The following TLR4 variants were observed in gnomAD, a reference collection of about 807,000 sequenced individuals.
TLR4 encodes toll like receptor 4, also known as toll-like receptor 4.
TLR4 carries 17 observed loss-of-function variants against 27.4 expected under a neutral mutation model. That is an observed-to-expected ratio of 0.62 (90% CI 0.42 to 0.93). TLR4 has a LOEUF of 0.93. TLR4 is among the 40% of genes least tolerant of loss of function. TLR4 has a pLI of 0.00. For synonymous variants in TLR4, 363 were observed against 365.7 expected (o/e 0.99, Z 0.08); for missense variants, 926 against 962.3 (o/e 0.96, Z 0.50).
At position 117,715,286 on chromosome 9, in the gene TLR4, C is replaced by G. The variant is rs1410829681; in HGVS notation, c.*638C>G. On this transcript the variant is annotated 3_prime_UTR_variant, in exon 3 of 3. Coordinates refer to ENST00000355622, the MANE Select transcript of TLR4 (RefSeq NM_138554.5). ...CTGATATATTTTTATTTTTATATAT[C>G]CAGTTTTCATTTTTTTACGTCTTGC... 6.6e-6 allele frequency: 1 copy of G among 152,380 alleles called. No homozygotes were observed. Among genetic ancestry groups the G allele is most frequent in the Non-Finnish European group, 1.5e-5 (1 of 68,310 alleles). 9.4% of individuals were successfully genotyped at this position (152,380 alleles called of 1,614,324 possible). A position where few individuals can be genotyped will look rare whatever the true frequency, so the allele number is the denominator to read the frequency against.
chr9:117,721,926 A>G lies in TLR4; in HGVS notation c.*7278A>G, dbSNP rs895934730. 5.9e-5 allele frequency: 9 copies of G among 152,174 alleles called. No individual in the cohort carries two copies. Among genetic ancestry groups the G allele is most frequent in the African/African-American group, 2.2e-4 (9 of 41,458 alleles). 9.4% of individuals were successfully genotyped at this position (152,174 alleles called of 1,614,324 possible). On this transcript the variant is annotated 3_prime_UTR_variant, in exon 3 of 3. Coordinates refer to ENST00000355622, the MANE Select transcript of TLR4 (RefSeq NM_138554.5). ...ATCCCACTAGATCAGACTCTTTGGG[A>G]TACTAGGATTGGCCTATTTGATGGT...
At position 117,712,367 on chromosome 9, in the gene TLR4, C is replaced by A. The variant is rs1273391022; in HGVS notation, c.261-22C>A. 7 of 1,601,200 alleles carry A rather than the reference C, an allele frequency of 4.4e-6. No homozygotes were observed. In the Middle Eastern group the frequency reaches 1.0e-3, roughly 228 times the overall value. Reference sequence around the variant, plus strand: ...TTATTCAGCAGAAATATTAGATAATCAATGTCTTTTTATTCCTGTAGGTGT... The same window carrying A: ...TTATTCAGCAGAAATATTAGATAATAAATGTCTTTTTATTCCTGTAGGTGT... On this transcript the variant is annotated intron_variant, in intron 2 of 2. Coordinates refer to ENST00000355622, the MANE Select transcript of TLR4 (RefSeq NM_138554.5).
rs905404330 is a variant in TLR4, at chr9:117,718,729, A to G, written c.*4081A>G. On this transcript the variant is annotated 3_prime_UTR_variant, in exon 3 of 3. Transcript: ENST00000355622. ...GATTGAAAATCATGTATTATGTTCA[A>G]TACGGGGACACTGTCCTTATGGGTG... is the stretch of plus-strand genomic sequence containing the variant. 5.3e-5 allele frequency: 8 copies of G among 152,184 alleles called. No homozygotes were observed. Among genetic ancestry groups the G allele is most frequent in the African/African-American group, 9.7e-5 (4 of 41,434 alleles). The allele number at this position is 152,184 out of a possible 1,614,324, so 9.4% of individuals were successfully genotyped here.
intron 2 of TLR4, among the ~76,000 whole-genome samples, chr9:117,712,101 A>G (rs1375546867): frequency 6.6e-6 from 1 of 152,166 alleles, no homozygotes. Flanking sequence ...TATGTCAATT[A>G]TTGATCTTTA....
chr9:117,708,613 C>A lies in TLR4; in HGVS notation c.144C>A (p.Ile48=). ...YQCMELNFYK[I]PDNLPFSTKN... ...GCATGGAGCTGAATTTCTACAAAATCCCCGACAACCTCCCCTTCTCAACCA... is the reference window on the plus strand; with the variant it reads ...GCATGGAGCTGAATTTCTACAAAATACCCGACAACCTCCCCTTCTCAACCA... The change falls in exon 2 of 3, where the codon ATC becomes ATA. Residue 48 remains isoleucine (I), a synonymous_variant. Coordinates refer to ENST00000355622, the MANE Select transcript of TLR4 (RefSeq NM_138554.5). The A allele has an allele frequency of 6.2e-7, 1 of 1,613,950 alleles. No individual in the cohort carries two copies. The highest frequency in any genetic ancestry group is 1.1e-5 in the South Asian group (1 of 91,084).
intron 1 of TLR4, among the ~76,000 whole-genome samples, chr9:117,706,469 G>A (rs1829138109): frequency 6.6e-6 from 1 of 152,074 alleles, no homozygotes; most frequent in Admixed American, 6.5e-5. Flanking sequence ...ATTTCCAGTG[G>A]CCAGCACACA....
At chr9:117,705,875 C>A (rs2131161808) in intron 1 of TLR4, among the ~76,000 whole-genome samples, 1 of 152,164 alleles carries the variant, frequency 6.6e-6, no homozygotes, top group African/African-American at 2.4e-5. Flanking sequence ...CTGGCTATTT[C>A]TTCTACCTAG....
rs201943367 is a variant in TLR4, at chr9:117,712,714, C to A, written c.586C>A (p.Arg196=). 7 of 1,613,940 alleles carry A rather than the reference C, an allele frequency of 4.3e-6. No individual in the cohort carries two copies. The highest frequency in any genetic ancestry group is 1.7e-5 in the Admixed American group (1 of 59,986). Residue 196 remains arginine, a synonymous_variant, in exon 3 of 3, where the codon CGG becomes AGG. Transcript: ENST00000355622. ...TCAAAGTATTTATTGCACAGACTTG[C>A]GGGTTCTACATCAAATGCCCCTACT... The part of the protein sequence containing the change: ...KIQSIYCTDL[R]VLHQMPLLNL...
In TLR4 at chr9:117,719,466, A is replaced by G. The variant is rs1300003223; in HGVS notation, c.*4818A>G. On this transcript the variant is annotated 3_prime_UTR_variant, in exon 3 of 3. Transcript: ENST00000355622. ...TCTCACAAAATGCATAAAACTTCCT[A>G]TCTCACCATTATAATTTTGACTGAT... 1 of 152,132 alleles carries G rather than the reference A, an allele frequency of 6.6e-6. No homozygotes were observed. The highest frequency in any genetic ancestry group is 1.5e-5 in the Non-Finnish European group (1 of 68,020). The allele number at this position is 152,132 out of a possible 1,614,324, so 9.4% of individuals were successfully genotyped here. A position where few individuals can be genotyped will look rare whatever the true frequency, so the allele number is the denominator to read the frequency against.
rs375182059 is a variant in TLR4, at chr9:117,718,460, G to T, written c.*3812G>T. 2.0e-5 allele frequency: 3 copies of T among 152,118 alleles called. No homozygotes were observed. Among genetic ancestry groups the T allele is most frequent in the East Asian group, 1.9e-4 (1 of 5,172 alleles). The allele number at this position is 152,118 out of a possible 1,614,324, so 9.4% of individuals were successfully genotyped here. A position where few individuals can be genotyped will look rare whatever the true frequency, so the allele number is the denominator to read the frequency against. The stretch of plus-strand genomic sequence containing the variant: ...AAACAAAGGATATGTGAACAATAGG[G>T]TTAATCAATAATAAGTAGAAAATCT... On this transcript the variant is annotated 3_prime_UTR_variant, in exon 3 of 3. Transcript: ENST00000355622.
chr9:117,710,656 C>G (rs1463845297), intron 2 of TLR4, among the ~76,000 whole-genome samples: 1 of 152,022 alleles, frequency 6.6e-6, no homozygotes, highest in African/African-American at 2.4e-5. Context: ...CATCCTTTGC[C>G]TTTTCGTACA....
At chr9:117,708,207 C>T in intron 1 of TLR4, 1 of 1,054,670 alleles carries the variant, frequency 9.5e-7, no homozygotes, top group Non-Finnish European at 1.1e-6. Context: ...AGACTTGGCC[C>T]TAAACCACAC....
rs1829382793 is a variant in TLR4 at position 117,718,307 on chromosome 9, G to A, written c.*3659G>A. 6.6e-6 allele frequency: 1 copy of A among 152,036 alleles called. No individual in the cohort carries two copies. Among genetic ancestry groups the A allele is most frequent in the South Asian group, 2.1e-4 (1 of 4,826 alleles). 9.4% of individuals were successfully genotyped at this position (152,036 alleles called of 1,614,324 possible). A position where few individuals can be genotyped will look rare whatever the true frequency, so the allele number is the denominator to read the frequency against. On this transcript the variant is annotated 3_prime_UTR_variant, in exon 3 of 3. Transcript: ENST00000355622. The stretch of plus-strand genomic sequence containing the variant: ...TGAAACTCCTGCAGTTTTCTGTGTG[G>A]TTGACACTAGCAAGGGTTTCTCAGT...
intron 2 of TLR4, among the ~76,000 whole-genome samples, chr9:117,711,750 G>A (rs767685340): frequency 3.3e-5 from 5 of 152,038 alleles, no homozygotes; most frequent in Non-Finnish European, 7.4e-5. Context: ...GTCCACAACG[G>A]TTCTCTGGAT....
At position 117,722,311 on chromosome 9, in the gene TLR4, T is replaced by C. The variant is rs1005297144; in HGVS notation, c.*7663T>C. Reference sequence around the variant, plus strand: ...TGCCAATCTTCCCAGAAACTCCTTTTTCCTTATCGTTGAGGGGAATTGGGG... The same window carrying C: ...TGCCAATCTTCCCAGAAACTCCTTTCTCCTTATCGTTGAGGGGAATTGGGG... On this transcript the variant is annotated 3_prime_UTR_variant, in exon 3 of 3. Transcript: ENST00000355622. 1.3e-5 allele frequency: 2 copies of C among 152,190 alleles called. No individual in the cohort carries two copies. The highest frequency in any genetic ancestry group is 2.9e-5 in the Non-Finnish European group (2 of 68,028). 9.4% of individuals were successfully genotyped at this position (152,190 alleles called of 1,614,324 possible).
rs969717372 is a variant in TLR4, at chr9:117,713,175, A to G, written c.1047A>G (p.Lys349=). Residue 349 remains lysine (K), a synonymous_variant, in exon 3 of 3, where the codon AAA becomes AAG. Coordinates refer to ENST00000355622, the MANE Select transcript of TLR4 (RefSeq NM_138554.5). The stretch of plus-strand genomic sequence containing the variant: ...AATTTGGACAGTTTCCCACATTGAA[A>G]CTCAAATCTCTCAAAAGGCTTACTT... ...NCKFGQFPTL[K]LKSLKRLTFT... is the part of the protein sequence containing the mutation. The G allele has an allele frequency of 3.0e-5, 49 of 1,613,936 alleles. No homozygotes were observed. Among genetic ancestry groups the G allele is most frequent in the Non-Finnish European group, 4.0e-5 (47 of 1,179,952 alleles).
rs1829257312 is a variant in TLR4, at chr9:117,712,760, C to A, written c.632C>A (p.Ser211Tyr). The A allele has an allele frequency of 6.2e-7, 1 of 1,614,002 alleles. No individual in the cohort carries two copies. Among genetic ancestry groups the A allele is most frequent in the Non-Finnish European group, 8.5e-7 (1 of 1,179,994 alleles). ...CTACTCAATCTCTCTTTAGACCTGTCCCTGAACCCTATGAACTTTATCCAA... is the reference window on the plus strand; with the variant it reads ...CTACTCAATCTCTCTTTAGACCTGTACCTGAACCCTATGAACTTTATCCAA... ...MPLLNLSLDLSLNPMNFIQPG... is the reference protein window; with the variant it reads ...MPLLNLSLDLYLNPMNFIQPG... Residue 211 changes from serine (S) to tyrosine (Y), a missense_variant, in exon 3 of 3, where the codon TCC (serine) becomes TAC (tyrosine). Ser to Tyr is a moderately radical substitution (Grantham distance 144). Coordinates refer to ENST00000355622, the MANE Select transcript of TLR4 (RefSeq NM_138554.5).
Position 117,713,570 on chromosome 9 carries a change from A to T in TLR4, c.1442A>T (p.Asn481Ile). ...SSLEVLKMAGNSFQENFLPDI... is the reference protein window; with the variant it reads ...SSLEVLKMAGISFQENFLPDI... Reference sequence around the variant, plus strand: ...CTCGAAGTCTTGAAAATGGCTGGCAATTCTTTCCAGGAAAACTTCCTTCCA... The same window carrying T: ...CTCGAAGTCTTGAAAATGGCTGGCATTTCTTTCCAGGAAAACTTCCTTCCA... The change falls in exon 3 of 3, where the codon AAT becomes ATT. Residue 481 changes from asparagine to isoleucine, a missense_variant. Asn to Ile is a moderately radical substitution (Grantham distance 149). Transcript: ENST00000355622. The T allele has an allele frequency of 1.2e-6, 2 of 1,614,068 alleles. No homozygotes were observed. The highest frequency in any genetic ancestry group is 1.1e-5 in the South Asian group (1 of 91,076).
In TLR4 at chr9:117,717,412, CAAT is replaced by C. The variant is rs1829368147; in HGVS notation, c.*2767_*2769del. 6.6e-6 allele frequency: 1 copy of C among 152,048 alleles called. No homozygotes were observed. Among genetic ancestry groups the C allele is most frequent in the Non-Finnish European group, 1.5e-5 (1 of 67,998 alleles). The allele number at this position is 152,048 out of a possible 1,614,324, so 9.4% of individuals were successfully genotyped here. A position where few individuals can be genotyped will look rare whatever the true frequency, so the allele number is the denominator to read the frequency against. On this transcript the variant is annotated 3_prime_UTR_variant, in exon 3 of 3. Coordinates refer to ENST00000355622, the MANE Select transcript of TLR4 (RefSeq NM_138554.5). Reference sequence around the variant, plus strand: ...ACAGTAAGAGATTAACAATAACTAACAATAAAATTGAATAGTTATAATAATATA... The same window carrying C: ...ACAGTAAGAGATTAACAATAACTAACAAAATTGAATAGTTATAATAATATA...
Sources: gnomAD v4.1 joint callset for allele counts (sites outside exome capture counted in the v4.1 genomes callset) on GRCh38, gnomAD v4.1.1 for gene constraint, MANE v1.5 for transcripts, NCBI Gene and HGNC (gene_info 2026-07-23, HGNC 2026-07-21) for gene names.